Variants in CENPX observed in about 807,000 individuals in gnomAD.
CENPX encodes the protein FANCM associated histone fold protein 2.
Under a neutral mutation model 13.2 loss-of-function variants are expected in CENPX, and 13 were observed. The ratio of observed to expected loss-of-function variants is 0.98; its 90% CI spans 0.64 to 1.56. The LOEUF is 1.56. CENPX is among the 40% of genes most tolerant of loss of function. The pLI, the probability that CENPX is intolerant of heterozygous loss-of-function variation, is 0.00. For missense variants in CENPX, 138 were observed against 107.5 expected, an observed-to-expected ratio of 1.28 and a Z score of -1.26; for synonymous variants, 66 against 47.2, an observed-to-expected ratio of 1.40 and a Z score of -1.63.
At chr17:82,022,804 G>GC in intron 1 of CENPX, 22 bp downstream of exon 1, 1 of 1,576,342 alleles carries the variant, frequency 6.3e-7, no homozygotes, top group Non-Finnish European at 8.6e-7. Flanking sequence ...CGCCTGCCTA[G>GC]CCCCTGCCCT....
At position 82,019,682 on chromosome 17, in the gene CENPX, G is replaced by A. The variant is rs555722509; in HGVS notation, c.101C>T (p.Ala34Val). ...KDDKTKVSGD[A>V]LQLMVELLKV... ...CAGCAACTCCACCATGAGCTGCAGCGCGTCCCCGCTCACTGCAAGGCAGGG... is the reference window on the plus strand; with the variant it reads ...CAGCAACTCCACCATGAGCTGCAGCACGTCCCCGCTCACTGCAAGGCAGGG... The change falls in exon 3 of 5, where the codon GCG becomes GTG. Residue 34 changes from alanine (A) to valine (V), a missense_variant. By Grantham distance (64) the Ala-to-Val change is moderately conservative. Transcript: ENST00000392359. 6.3e-5 allele frequency: 98 copies of A among 1,550,306 alleles called. No individual in the cohort carries two copies. Among genetic ancestry groups the A allele is most frequent in the African/African-American group, 2.6e-4 (19 of 73,172 alleles).
At chr17:82,021,470 C>A (rs528618312) in intron 1 of CENPX, among the ~76,000 whole-genome samples, 16 of 152,394 alleles carry the variant, frequency 1.0e-4, no homozygotes, top group Admixed American at 5.9e-4. Flanking sequence ...GATGCCAGGT[C>A]TGCCTCGACA....
chr17:82,021,360 C>T (rs1379015982), intron 1 of CENPX, among the ~76,000 whole-genome samples: 2 of 152,238 alleles, frequency 1.3e-5, no homozygotes, highest in Non-Finnish European at 2.9e-5. Context: ...ACCAGAAAGG[C>T]ACCAGAAAAG....
intron 1 of CENPX, among the ~76,000 whole-genome samples, chr17:82,021,768 G>C (rs934393137): frequency 6.6e-6 from 1 of 152,222 alleles, no homozygotes; most frequent in Non-Finnish European, 1.5e-5. Context: ...TGGCCTTTTG[G>C]CTACTTTAAC....
chr17:82,021,721 C>T (rs969147655), intron 1 of CENPX, among the ~76,000 whole-genome samples: 1 of 152,242 alleles, frequency 6.6e-6, no homozygotes, highest in South Asian at 2.1e-4. Context: ...AACACATGAC[C>T]TCCTGGGGTG....
chr17:82,022,445 C>A (rs888190509), intron 1 of CENPX, among the ~76,000 whole-genome samples: 4 of 152,226 alleles, frequency 2.6e-5, no homozygotes, highest in African/African-American at 4.8e-5. Flanking sequence ...TCGGGCTGGA[C>A]GATCTCACTG....
intron 2 of CENPX, 44 bp from the exon 3 acceptor site, chr17:82,019,738 C>A: frequency 6.5e-7 from 1 of 1,548,820 alleles, no homozygotes; most frequent in Non-Finnish European, 8.7e-7. Context: ...ACCCACCGCT[C>A]TGGCTGGGTG....
At chr17:82,019,984 GAC>G (rs1225542866) in intron 1 of CENPX, 75 bp from the exon 2 acceptor site, 1 of 1,376,382 alleles carries the variant, frequency 7.3e-7, no homozygotes, top group Non-Finnish European at 9.8e-7. Flanking sequence ...CCATTCTGGT[GAC>G]AGTGGCTGTG....
intron 1 of CENPX, 111 bp downstream of exon 1, chr17:82,022,715 C>T (rs1408618178): frequency 3.7e-6 from 5 of 1,344,736 alleles, no homozygotes; most frequent in Non-Finnish European, 4.1e-6. Flanking sequence ...CGGGCCCAAC[C>T]TCAAAGGCAC....
chr17:82,022,660 C>A lies in CENPX; in HGVS notation c.36+166G>T, dbSNP rs1156679960. ...CTACCAGCTGCGAGACACCAGCCCA[C>A]GAGGGCGCGGGGCGCGCGGCCCGGC... On this transcript the variant is annotated intron_variant, in intron 1 of 4. Coordinates refer to ENST00000392359, the MANE Select transcript of CENPX (RefSeq NM_001271006.2). 4 of 800,788 alleles carry A rather than the reference C, an allele frequency of 5.0e-6. No individual in the cohort carries two copies. The Admixed American group carries it at 1.0e-4, about 21-fold the overall frequency. The allele number at this position is 800,788 out of a possible 1,614,324, so 49.6% of individuals were successfully genotyped here.
chr17:82,019,071 A>C lies in CENPX; in HGVS notation c.*134T>G. ...CCTTCTGCACAGGCTGGAGACTCCCAGAGATCTTGTTTGAATCAACTCCAA... is the reference window on the plus strand; with the variant it reads ...CCTTCTGCACAGGCTGGAGACTCCCCGAGATCTTGTTTGAATCAACTCCAA... On this transcript the variant is annotated 3_prime_UTR_variant, in exon 5 of 5. Transcript: ENST00000392359. 8.3e-6 allele frequency: 11 copies of C among 1,319,542 alleles called. No individual in the cohort carries two copies. The highest frequency in any genetic ancestry group is 1.1e-5 in the Non-Finnish European group (11 of 981,684). The allele number at this position is 1,319,542 out of a possible 1,614,324, so 81.7% of individuals were successfully genotyped here.
rs1044933438 is a variant in CENPX at position 82,018,781 on chromosome 17, A to C, written c.*424T>G. 1.1e-5 allele frequency: 3 copies of C among 275,636 alleles called. No homozygotes were observed. The highest frequency in any genetic ancestry group is 1.4e-5 in the Non-Finnish European group (2 of 147,246). 17.1% of individuals were successfully genotyped at this position (275,636 alleles called of 1,614,324 possible). A position where few individuals can be genotyped will look rare whatever the true frequency, so the allele number is the denominator to read the frequency against. ...CCTGGGGAAGCATCTTCCAAGGGGA[A>C]TATCGCATGGCTGGAAAGGTCACAC... On this transcript the variant is annotated 3_prime_UTR_variant, in exon 5 of 5. Transcript: ENST00000392359.
Position 82,019,657 on chromosome 17 carries a change from C to T in CENPX, c.126G>A (p.Leu42=). ...GDALQLMVEL[L]KVFVVEAAVR... ...TGGGCTCACCCACAACGAAGACCTT[C>T]AGCAACTCCACCATGAGCTGCAGCG... The change falls in exon 3 of 5, where the codon CTG becomes CTA. Residue 42 remains leucine (L), a synonymous_variant. Transcript: ENST00000392359. 6.5e-7 allele frequency: 1 copy of T among 1,550,338 alleles called. No homozygotes were observed. The highest frequency in any genetic ancestry group is 1.2e-5 in the South Asian group (1 of 84,066).
In CENPX at chr17:82,019,670, A is replaced by G. The variant is rs767117744; in HGVS notation, c.113T>C (p.Met38Thr). 3.2e-6 allele frequency: 5 copies of G among 1,550,250 alleles called. No individual in the cohort carries two copies. In the South Asian group the frequency reaches 5.9e-5, roughly 18 times the overall value. ...TKVSGDALQLMVELLKVFVVE... is the reference protein window; with the variant it reads ...TKVSGDALQLTVELLKVFVVE... ...AACGAAGACCTTCAGCAACTCCACCATGAGCTGCAGCGCGTCCCCGCTCAC... is the reference window on the plus strand; with the variant it reads ...AACGAAGACCTTCAGCAACTCCACCGTGAGCTGCAGCGCGTCCCCGCTCAC... Residue 38 changes from methionine (M) to threonine (T), a missense_variant, in exon 3 of 5, where the codon ATG (methionine) becomes ACG (threonine). Met to Thr is a moderately conservative substitution (Grantham distance 81, BLOSUM62 -1). Coordinates refer to ENST00000392359, the MANE Select transcript of CENPX (RefSeq NM_001271006.2).
In CENPX at chr17:82,019,124, T is replaced by C. The variant is rs939218354; in HGVS notation, c.*81A>G. 28 of 1,486,116 alleles carry C rather than the reference T, an allele frequency of 1.9e-5. No individual in the cohort carries two copies. Among genetic ancestry groups the C allele is most frequent in the Admixed American group, 2.6e-5 (1 of 38,826 alleles). The allele number at this position is 1,486,116 out of a possible 1,614,324, so 92.1% of individuals were successfully genotyped here. A position where few individuals can be genotyped will look rare whatever the true frequency, so the allele number is the denominator to read the frequency against. On this transcript the variant is annotated 3_prime_UTR_variant, in exon 5 of 5. Transcript: ENST00000392359. ...CCTTCAGGTCCTTCCCTGCCTCTTA[T>C]CAGAGGCCGCTGGAAACACAAGGCC...
intron 3 of CENPX, 113 bp from the exon 4 acceptor site, chr17:82,019,494 A>AACC (rs1163808843): frequency 6.6e-7 from 1 of 1,515,382 alleles, no homozygotes; most frequent in Non-Finnish European, 8.8e-7. Context: ...CAGCCCCCAG[A>AACC]ACCAGGCCAC....
Position 82,019,798 on chromosome 17 carries a change from G to A in CENPX, c.88+60C>T, listed in dbSNP as rs903061660. Reference sequence around the variant, plus strand: ...GAGGCCTTGGCCCTGCAGAGTTGCAGGAAAGGGTCCCTGAGGACAGACACG... The same window carrying A: ...GAGGCCTTGGCCCTGCAGAGTTGCAAGAAAGGGTCCCTGAGGACAGACACG... On this transcript the variant is annotated intron_variant, in intron 2 of 4. Coordinates refer to ENST00000392359, the MANE Select transcript of CENPX (RefSeq NM_001271006.2). 10 of 1,578,176 alleles carry A rather than the reference G, an allele frequency of 6.3e-6. No individual in the cohort carries two copies. In the African/African-American group the frequency reaches 1.2e-4, roughly 19 times the overall value.
At position 82,022,842 on chromosome 17, in the gene CENPX, C is replaced by G. The variant is rs143665277; in HGVS notation, c.20G>C (p.Gly7Ala). The change falls in exon 1 of 5, where the codon GGA becomes GCA. Residue 7 changes from glycine to alanine, a missense_variant. By Grantham distance (60) the Gly-to-Ala change is moderately conservative. Transcript: ENST00000392359. ...GGCCCTCACCTTCCGGAAGCCGGAT[C>G]CAGCTCCTGCTCCCTCCATGACCGC... is the stretch of plus-strand genomic sequence containing the variant. MEGAGA[G>A]SGFRKELVSR... The G allele has an allele frequency of 5.1e-3, 8,150 of 1,593,154 alleles. 88 individuals carry two copies. Among genetic ancestry groups the G allele is most frequent in the Admixed American group, 4.4e-3 (257 of 58,094 alleles).
At chr17:82,019,521 G>A (rs1312130371) in intron 3 of CENPX, 120 bp downstream of exon 3, 2 of 1,532,734 alleles carry the variant, frequency 1.3e-6, no homozygotes, top group East Asian at 2.5e-5. Context: ...TGACAAACAG[G>A]CTCAGGAGAC....
Sources: allele counts gnomAD v4.1 joint callset (sites outside exome capture counted in the v4.1 genomes callset), GRCh38; gene constraint gnomAD v4.1.1; transcripts MANE v1.5; gene names NCBI Gene and HGNC (gene_info 2026-07-23, HGNC 2026-07-21).